Variants in DET1 observed in about 807,000 individuals in gnomAD.
The protein encoded by DET1 is DET1 partner of COP1 E3 ubiquitin ligase, also known as DET1 homolog.
In DET1, 22 loss-of-function variants were observed where a neutral mutation model predicts 43.7. That is an observed-to-expected ratio of 0.50 (90% CI 0.36 to 0.72). The LOEUF (loss-of-function observed/expected upper bound fraction) is 0.72, where lower values mean the gene tolerates loss of function less well. DET1 is among the 30% of genes least tolerant of loss of function. The probability of loss-of-function intolerance (pLI) is 0.00; values close to 1 mark genes in which losing one functional copy is unlikely to be tolerated. For synonymous variants in DET1, 315 were observed against 266.2 expected (o/e 1.18, Z -1.79); for missense variants, 713 against 713.3 (o/e 1.00, Z 0.00).
chr15:88,525,201 G>T (rs1191218863), intron 3 of DET1, among the ~76,000 whole-genome samples: 1 of 152,102 alleles, frequency 6.6e-6, no homozygotes, highest in East Asian at 1.9e-4. Context: ...ATTTTAAAGT[G>T]TTGGAATAAC....
intron 1 of DET1, among the ~76,000 whole-genome samples, chr15:88,543,838 A>G (rs1368345371): frequency 6.6e-6 from 1 of 152,214 alleles, no homozygotes; most frequent in African/African-American, 2.4e-5. Flanking sequence ...TATCAAAAAC[A>G]GATCAAGCAG....
At chr15:88,526,141 G>T (rs191900783) in intron 3 of DET1, among the ~76,000 whole-genome samples, 86 of 152,290 alleles carry the variant, frequency 5.6e-4, no homozygotes, top group Middle Eastern at 6.8e-3. Context: ...AAAGGAAAAC[G>T]CAAGACAGTT....
At chr15:88,515,538 T>TACAAAAAAAAA (rs1491544233) in intron 4 of DET1, among the ~76,000 whole-genome samples, 1 of 47,466 alleles carries the variant, frequency 2.1e-5, no homozygotes, top group Non-Finnish European at 3.4e-5. Context: ...GACTCCGTCT[T>TACAAAAAAAAA]ATAAAAAAAA....
At chr15:88,535,536 G>A (rs1012759631) in intron 1 of DET1, among the ~76,000 whole-genome samples, 3 of 152,044 alleles carry the variant, frequency 2.0e-5, no homozygotes, top group African/African-American at 7.2e-5. Flanking sequence ...TGGGCAAATT[G>A]CTTGAGCCCA....
At chr15:88,524,824 G>T (rs892364537) in intron 3 of DET1, among the ~76,000 whole-genome samples, 7 of 151,984 alleles carry the variant, frequency 4.6e-5, no homozygotes, top group African/African-American at 1.7e-4. Flanking sequence ...AAGGCCACAG[G>T]GTCCTCTGCC....
downstream of DET1, chr15:88,511,503 A>G: frequency 1.0e-6 from 1 of 985,452 alleles, no homozygotes; most frequent in South Asian, 4.7e-5. Flanking sequence ...TGGTCATACA[A>G]CACATTCCCA....
intron 3 of DET1, among the ~76,000 whole-genome samples, chr15:88,525,878 T>C (rs1454819294): frequency 6.7e-6 from 1 of 149,480 alleles, no homozygotes; most frequent in African/African-American, 2.5e-5. Context: ...GGTTTTGTCA[T>C]GTTTCCTAGG....
chr15:88,531,050 T>C lies in DET1; in HGVS notation c.656A>G (p.Asn219Ser). The change falls in exon 2 of 5, where the codon AAC becomes AGC. Residue 219 changes from asparagine to serine, a missense_variant. By Grantham distance (46) the Asn-to-Ser change is conservative (BLOSUM62 1). Transcript: ENST00000268148. This position sits in a 1 kb window ranked among gnomAD's most constrained non-coding sequence, Gnocchi z 6.2. ...GTTTTTGTACAAGTACAGCCCTTGG[T>C]TGTGTGACAAGACCACCTTGTCACA... Reference protein sequence around the residue: ...FKCDKVVLSHNQGLYLYKNIL... With the variant: ...FKCDKVVLSHSQGLYLYKNIL... The C allele has an allele frequency of 4.3e-6, 7 of 1,613,854 alleles. No individual in the cohort carries two copies. The highest frequency in any genetic ancestry group is 5.1e-6 in the Non-Finnish European group (6 of 1,179,806).
intron 7 of DET1, among the ~76,000 whole-genome samples, chr15:88,507,472 T>G (rs2056153530): frequency 6.6e-6 from 1 of 152,198 alleles, no homozygotes; most frequent in Admixed American, 6.5e-5. Flanking sequence ...CATCCCCCTC[T>G]GTTCTGTCCA....
chr15:88,512,878 T>C lies in DET1; in HGVS notation c.*73A>G. 1.3e-6 allele frequency: 2 copies of C among 1,565,204 alleles called. No individual in the cohort carries two copies. Among genetic ancestry groups the C allele is most frequent in the Admixed American group, 3.5e-5 (2 of 56,488 alleles). On this transcript the variant is annotated 3_prime_UTR_variant, in exon 5 of 5. Transcript: ENST00000268148. Reference sequence around the variant, plus strand: ...AACAGAGCTAGTAGTCGGGAGCTTTTGCTTTGGAGTCCACTGAGATAAGTG... The same window carrying C: ...AACAGAGCTAGTAGTCGGGAGCTTTCGCTTTGGAGTCCACTGAGATAAGTG...
At chr15:88,519,510 C>T (rs1264874208) in intron 3 of DET1, among the ~76,000 whole-genome samples, 1 of 152,102 alleles carries the variant, frequency 6.6e-6, no homozygotes, top group Non-Finnish European at 1.5e-5. Context: ...CCCATCTTTC[C>T]AGCTCACTCC....
Position 88,541,127 on chromosome 15 carries a change from C to T in DET1, c.-11+5413G>A, listed in dbSNP as rs1320726018. ...TCCATCTACTGAGATAGGGAAAAAC[C>T]GCCTTAGGGCTGGAGGTGGGACCTG... On this transcript the variant is annotated intron_variant, in intron 1 of 4. Coordinates refer to ENST00000268148, the MANE Select transcript of DET1 (RefSeq NM_001144074.3). Among the ~76,000 whole-genome samples, 11 of 106,430 alleles carry T rather than the reference C, an allele frequency of 1.0e-4. No individual in the cohort carries two copies. The South Asian group carries it at 1.2e-3, about 11-fold the overall frequency. The allele number at this position is 106,430 out of a possible 152,430, so 69.8% of individuals were successfully genotyped here.
chr15:88,507,145 G>C (rs2056150077), intron 7 of DET1, among the ~76,000 whole-genome samples: 2 of 152,108 alleles, frequency 1.3e-5, no homozygotes, highest in African/African-American at 4.8e-5. Context: ...CCAGTGCCTT[G>C]GATCCTCACC....
intron 3 of DET1, among the ~76,000 whole-genome samples, chr15:88,527,028 T>G (rs1340189551): frequency 6.6e-6 from 1 of 152,198 alleles, no homozygotes; most frequent in Non-Finnish European, 1.5e-5. Flanking sequence ...AGCCTTGAGT[T>G]TCTGCTCTCT....
At chr15:88,536,770 C>CAAAAAAAAA (rs58177778) in intron 1 of DET1, among the ~76,000 whole-genome samples, 535 of 47,690 alleles carry the variant, frequency 0.011, 24 homozygotes, top group African/African-American at 0.031. Flanking sequence ...GACTCCATCT[C>CAAAAAAAAA]AAAAAAAAAA....
chr15:88,528,360 A>G (rs968484864), intron 2 of DET1, among the ~76,000 whole-genome samples: 1 of 152,234 alleles, frequency 6.6e-6, no homozygotes, highest in African/African-American at 2.4e-5. Context: ...CCTTAAGTAC[A>G]TCGAGTTCTA....
intron 1 of DET1, among the ~76,000 whole-genome samples, chr15:88,545,517 C>A (rs1015426334): frequency 2.6e-5 from 4 of 152,192 alleles, no homozygotes; most frequent in Admixed American, 6.5e-5. Flanking sequence ...TCCACTGGAA[C>A]CCCTGGCTAA....
intron 1 of DET1, among the ~76,000 whole-genome samples, chr15:88,541,214 C>T (rs548389912): frequency 3.4e-5 from 5 of 146,642 alleles, no homozygotes; most frequent in Admixed American, 3.4e-4. Flanking sequence ...TCTAAAAGCA[C>T]AGCACTTAAT....
intron 1 of DET1, among the ~76,000 whole-genome samples, chr15:88,537,897 C>T (rs1273074540): frequency 5.3e-5 from 8 of 152,138 alleles, no homozygotes; most frequent in African/African-American, 1.2e-4. Flanking sequence ...ACAGGACTCC[C>T]GTTATTATTA....
Sources: gnomAD v4.1 joint callset for allele counts (sites outside exome capture counted in the v4.1 genomes callset) on GRCh38, gnomAD v4.1.1 for gene constraint, Gnocchi (gnomAD v3.1) non-coding constraint, MANE v1.5 for transcripts, NCBI Gene and HGNC (gene_info 2026-07-23, HGNC 2026-07-21) for gene names.